Variants in GIT2 observed in about 807,000 individuals in gnomAD.
GIT2 encodes the protein GIT ArfGAP 2.
GIT2 carries 32 observed loss-of-function variants against 100.3 expected under a neutral mutation model. That is an observed-to-expected ratio of 0.32 (90% CI 0.24 to 0.43). The LOEUF (loss-of-function observed/expected upper bound fraction) is 0.43. GIT2 is among the 20% of genes least tolerant of loss of function. The pLI, the probability that GIT2 is intolerant of heterozygous loss-of-function variation, is 1.00. For synonymous variants in GIT2, 353 were observed against 364.1 expected (o/e 0.97, Z 0.35); for missense variants, 737 against 975.1 (o/e 0.76, Z 3.25).
chr12:109,978,076 GT>G (rs111855474), intron 7 of GIT2, among the ~76,000 whole-genome samples: 5,869 of 93,292 alleles, frequency 0.063, 205 homozygotes, highest in African/African-American at 0.17. Context: ...AAATTTAGAG[GT>G]TTTTTTTTTT....
chr12:109,946,745 G>A (rs1370453110), intron 15 of GIT2, among the ~76,000 whole-genome samples: 1 of 152,132 alleles, frequency 6.6e-6, no homozygotes, highest in East Asian at 1.9e-4. Context: ...GGCTGCGGAA[G>A]CCTGGAGCCT....
Position 109,945,347 on chromosome 12 carries a change from G to A in GIT2, c.1644C>T (p.Ile548=), listed in dbSNP as rs368466677. 1.7e-5 allele frequency: 24 copies of A among 1,447,950 alleles called. No homozygotes were observed. Among genetic ancestry groups the A allele is most frequent in the Admixed American group, 1.3e-4 (8 of 59,428 alleles). The allele number at this position is 1,447,950 out of a possible 1,614,324, so 89.7% of individuals were successfully genotyped here. The change falls in exon 16 of 20, where the codon ATC becomes ATT. Residue 548 remains isoleucine, a splice_region_variant and synonymous_variant. Coordinates refer to ENST00000355312, the MANE Select transcript of GIT2 (RefSeq NM_057169.5). ...AGGAGGTCACAAGTGCACTCCTCCC[G>A]ATCTGGAATGGGAAAGAGAAACACA... The part of the protein sequence containing the change: ...RMRLQPFPAH[I]GRSALVTSSS...
Position 109,983,336 on chromosome 12 carries a change from A to G in GIT2, c.623+37T>C, listed in dbSNP as rs764999452. On this transcript the variant is annotated intron_variant, in intron 6 of 19. Coordinates refer to ENST00000355312, the MANE Select transcript of GIT2 (RefSeq NM_057169.5). ...ACAAGGAATCACACCCAACAAAAAAATCCCAGAGAGAAGTAGCGAGAATCT... is the reference window on the plus strand; with the variant it reads ...ACAAGGAATCACACCCAACAAAAAAGTCCCAGAGAGAAGTAGCGAGAATCT... 4 of 1,599,340 alleles carry G rather than the reference A, an allele frequency of 2.5e-6. No individual in the cohort carries two copies. The East Asian group carries it at 8.9e-5, about 36-fold the overall frequency.
chr12:109,971,335 A>AT (rs1883812456), intron 7 of GIT2, among the ~76,000 whole-genome samples: 1 of 150,724 alleles, frequency 6.6e-6, no homozygotes, highest in South Asian at 2.1e-4. Context: ...GAGCTTTTTA[A>AT]TTTTTTTGAG....
Position 109,995,156 on chromosome 12 carries a change from C to G in GIT2, c.52+1017G>C, listed in dbSNP as rs551443398. On this transcript the variant is annotated intron_variant, in intron 1 of 19. Coordinates refer to ENST00000355312, the MANE Select transcript of GIT2 (RefSeq NM_057169.5). Reference sequence around the variant, plus strand: ...CGAATTAACTCAAAGCCAATACATCCAAGCACCTAAAACAGCATGTAATAA... The same window carrying G: ...CGAATTAACTCAAAGCCAATACATCGAAGCACCTAAAACAGCATGTAATAA... Among the ~76,000 whole-genome samples the G allele has an allele frequency of 1.8e-3, 270 of 152,276 alleles. 1 individual carries two copies. Among genetic ancestry groups the G allele is most frequent in the Non-Finnish European group, 3.2e-3 (221 of 68,020 alleles).
At chr12:109,978,538 TA>T (rs1885624346) in intron 7 of GIT2, among the ~76,000 whole-genome samples, 1 of 152,244 alleles carries the variant, frequency 6.6e-6, no homozygotes, top group South Asian at 2.1e-4. Flanking sequence ...CTTTTCTTCC[TA>T]CTCTTTTTTC....
chr12:109,960,597 T>G (rs1430320765), intron 11 of GIT2, among the ~76,000 whole-genome samples: 1 of 152,028 alleles, frequency 6.6e-6, no homozygotes, highest in Non-Finnish European at 1.5e-5. Context: ...AAAAAAAAAT[T>G]TAAGTTAAAC....
At chr12:109,935,009 C>G (rs1264148821) in intron 18 of GIT2, among the ~76,000 whole-genome samples, 2 of 151,652 alleles carry the variant, frequency 1.3e-5, no homozygotes, top group Non-Finnish European at 2.9e-5. Context: ...ACCCGGGAGG[C>G]AGAGGTTGCA....
intron 12 of GIT2, among the ~76,000 whole-genome samples, chr12:109,954,917 T>C (rs1026895836): frequency 6.6e-6 from 1 of 151,050 alleles, no homozygotes; most frequent in Non-Finnish European, 1.5e-5. Context: ...AAAATAATAA[T>C]AATAATAAAG....
intron 8 of GIT2, among the ~76,000 whole-genome samples, chr12:109,966,495 C>A (rs1238861658): frequency 4.0e-5 from 4 of 99,456 alleles, no homozygotes; most frequent in Non-Finnish European, 7.3e-5. Flanking sequence ...GGCGACAGAG[C>A]AAGACTCTGT....
In GIT2 at chr12:109,939,230, C is replaced by G; in HGVS notation, c.1749G>C (p.Lys583Asn). The G allele has an allele frequency of 6.2e-7, 1 of 1,605,642 alleles. No individual in the cohort carries two copies. Among genetic ancestry groups the G allele is most frequent in the South Asian group, 1.1e-5 (1 of 90,944 alleles). ...ESARRASRLEKQNSTPESDYD... is the reference protein window; with the variant it reads ...ESARRASRLENQNSTPESDYD... ...AGTCACTCTCAGGTGTGCTGTTCTG[C>G]TTCTCCAGCCTGGATGCCTACAAGA... The change falls in exon 17 of 20, where the codon AAG (lysine) becomes AAC (asparagine). Residue 583 changes from lysine (K) to asparagine (N), a missense_variant. By Grantham distance (94) the Lys-to-Asn change is moderately conservative. Transcript: ENST00000355312.
chr12:109,987,626 CG>C (rs1332994660), intron 4 of GIT2, among the ~76,000 whole-genome samples: 1 of 151,668 alleles, frequency 6.6e-6, no homozygotes, highest in Non-Finnish European at 1.5e-5. Context: ...CCACCATACC[CG>C]GCTAAAATTG....
intron 6 of GIT2, chr12:109,982,879 C>G (rs373449992): frequency 1.3e-5 from 2 of 152,244 alleles, no homozygotes; most frequent in Admixed American, 6.6e-5. Context: ...CTTCTGGCCT[C>G]AAGTAACCCA....
rs111327573 is a variant in GIT2, at chr12:109,955,328, G to A, written c.1100-2094C>T. On this transcript the variant is annotated intron_variant, in intron 12 of 19. Transcript: ENST00000355312. ...TTTTTAGTAGAGACGGGGTTTCACC[G>A]TGTTAGCCAGGAAGGTCTCGATCTT... Among the ~76,000 whole-genome samples, 390 of 152,120 alleles carry A rather than the reference G, an allele frequency of 2.6e-3. 2 individuals carry two copies. Among genetic ancestry groups the A allele is most frequent in the African/African-American group, 8.9e-3 (368 of 41,508 alleles).
At chr12:109,975,583 T>C (rs926872791) in intron 7 of GIT2, among the ~76,000 whole-genome samples, 12 of 152,124 alleles carry the variant, frequency 7.9e-5, no homozygotes, top group African/African-American at 2.9e-4. Flanking sequence ...TAACATTTAA[T>C]GTAACTATTG....
chr12:109,989,747 A>G lies in GIT2; in HGVS notation c.242T>C (p.Leu81Pro), dbSNP rs1888049686. Residue 81 changes from leucine to proline, a missense_variant, in exon 3 of 20, where the codon CTG becomes CCG. This residue lies in a region of GIT2 where 266 missense variants were observed against 376.2 expected (regional missense o/e 0.71). Transcript: ENST00000355312. Reference sequence around the variant, plus strand: ...TCCACTCATAATAGACGCAGGGTCCAGCAAAGAATGCTCCCATATAGAGTT... The same window carrying G: ...TCCACTCATAATAGACGCAGGGTCCGGCAAAGAATGCTCCCATATAGAGTT... The part of the protein sequence containing the change: ...GANSIWEHSL[L>P]DPASIMSGRR... The G allele has an allele frequency of 6.2e-7, 1 of 1,608,320 alleles. No individual in the cohort carries two copies. Among genetic ancestry groups the G allele is most frequent in the Admixed American group, 1.7e-5 (1 of 60,010 alleles).
In GIT2 at chr12:109,931,146, G is replaced by A. The variant is rs920989377; in HGVS notation, c.*1832C>T. The stretch of plus-strand genomic sequence containing the variant: ...TGGTCAAGCTATAAAGGTGTGCATC[G>A]ATCAGTCCTGTGAAAATAGAAGCTT... On this transcript the variant is annotated 3_prime_UTR_variant, in exon 20 of 20. Coordinates refer to ENST00000355312, the MANE Select transcript of GIT2 (RefSeq NM_057169.5). 3 of 152,254 alleles carry A rather than the reference G, an allele frequency of 2.0e-5. No individual in the cohort carries two copies. The highest frequency in any genetic ancestry group is 2.0e-4 in the Admixed American group (3 of 15,286). The allele number at this position is 152,254 out of a possible 1,614,324, so 9.4% of individuals were successfully genotyped here.
At chr12:109,980,365 G>A (rs537693204) in intron 7 of GIT2, among the ~76,000 whole-genome samples, 9 of 152,078 alleles carry the variant, frequency 5.9e-5, no homozygotes, top group South Asian at 4.2e-4. Context: ...CGTTGCACCC[G>A]GCAGAAGCTT....
chr12:109,951,034 A>G (rs1877691386), intron 14 of GIT2, 133 bp downstream of exon 14: 1 of 780,784 alleles, frequency 1.3e-6, no homozygotes, highest in South Asian at 1.7e-5. Context: ...CAAAAAGACA[A>G]CTTGGCCCAA....
Sources: allele counts gnomAD v4.1 joint callset (sites outside exome capture counted in the v4.1 genomes callset), GRCh38; gene constraint gnomAD v4.1.1; regional missense constraint gnomAD v4.1.1; transcripts MANE v1.5; gene names NCBI Gene and HGNC (gene_info 2026-07-23, HGNC 2026-07-21).